GRIK5: variants seen among roughly 807,000 people sequenced by gnomAD.
GRIK5 encodes glutamate ionotropic receptor kainate type subunit 5.
GRIK5 carries 43 observed loss-of-function variants against 97.4 expected under a neutral mutation model. The observed-to-expected ratio is 0.44, with a 90% CI of 0.35 to 0.57. The LOEUF is 0.57. Ranked by LOEUF, GRIK5 falls within the 20% of genes least tolerant of loss-of-function variation. The probability of loss-of-function intolerance (pLI) is 0.01; values close to 1 mark genes in which losing one functional copy is unlikely to be tolerated. For synonymous variants in GRIK5, 580 were observed against 583.5 expected (o/e 0.99, Z 0.09); for missense variants, 1,015 against 1,382.0 (o/e 0.73, Z 4.21).
intron 11 of GRIK5, among the ~76,000 whole-genome samples, chr19:42,052,357 G>T (rs1429967465): frequency 6.6e-6 from 1 of 152,014 alleles, no homozygotes; most frequent in Non-Finnish European, 1.5e-5. Context: ...AGCACAGAGG[G>T]TCTGACTGCT....
Position 42,022,750 on chromosome 19 carries a change from A to C in GRIK5, c.1474-396T>G. 1 of 777,828 alleles carries C rather than the reference A, an allele frequency of 1.3e-6. No homozygotes were observed. The highest frequency in any genetic ancestry group is 1.6e-6 in the Non-Finnish European group (1 of 641,034). 48.2% of individuals were successfully genotyped at this position (777,828 alleles called of 1,614,324 possible). On this transcript the variant is annotated intron_variant, in intron 12 of 19. Coordinates refer to ENST00000593562, the MANE Select transcript of GRIK5 (RefSeq NM_002088.5). The surrounding 1 kb of genome is among the most constrained non-coding windows in gnomAD (Gnocchi z 4.2). Reference sequence around the variant, plus strand: ...GAGATAATACAGGCCCGGACAGAACACAGAGCAGGGAGAGAGGAGGCAGGG... The same window carrying C: ...GAGATAATACAGGCCCGGACAGAACCCAGAGCAGGGAGAGAGGAGGCAGGG...
At chr19:42,044,119 C>T (rs1184420247) in intron 11 of GRIK5, among the ~76,000 whole-genome samples, 1 of 152,132 alleles carries the variant, frequency 6.6e-6, no homozygotes, top group Admixed American at 6.6e-5. Context: ...GCTCTTCCCC[C>T]TTCACTCGGC....
In GRIK5 at chr19:42,021,877, C is replaced by A; in HGVS notation, c.1697+70G>T. 1 of 938,806 alleles carries A rather than the reference C, an allele frequency of 1.1e-6. No individual in the cohort carries two copies. The highest frequency in any genetic ancestry group is 1.7e-6 in the Non-Finnish European group (1 of 595,544). 58.2% of individuals were successfully genotyped at this position (938,806 alleles called of 1,614,324 possible). On this transcript the variant is annotated intron_variant, in intron 14 of 19. Coordinates refer to ENST00000593562, the MANE Select transcript of GRIK5 (RefSeq NM_002088.5). This position sits in a 1 kb window ranked among gnomAD's most constrained non-coding sequence, Gnocchi z 4.2. ...AAGGACAGTTCCGAGAGAGAAGAGG[C>A]AGGTCGGTCCCAGAGGCCTCGGCTC...
chr19:41,998,952 C>T lies in GRIK5; in HGVS notation c.2862G>A (p.Leu954=), dbSNP rs2075402547. Residue 954 remains leucine (L), a synonymous_variant, in exon 20 of 20, where the codon CTG becomes CTA. Coordinates refer to ENST00000593562, the MANE Select transcript of GRIK5 (RefSeq NM_002088.5). ...ASGAGAPPRG[L]GVPAEATSPP... ...GGCTGGTGGCTTCGGCGGGGACGCC[C>T]AGGCCACGCGGAGGCGCGCCGGCCC... 2 of 1,145,252 alleles carry T rather than the reference C, an allele frequency of 1.7e-6. No individual in the cohort carries two copies. The highest frequency in any genetic ancestry group is 2.1e-6 in the Non-Finnish European group (2 of 933,300). The allele number at this position is 1,145,252 out of a possible 1,614,324, so 70.9% of individuals were successfully genotyped here. A position where few individuals can be genotyped will look rare whatever the true frequency, so the allele number is the denominator to read the frequency against.
intron 15 of GRIK5, among the ~76,000 whole-genome samples, chr19:42,008,592 T>G (rs2075522616): frequency 1.3e-5 from 2 of 151,960 alleles, no homozygotes; most frequent in African/African-American, 4.8e-5. Flanking sequence ...ACCACTGCAC[T>G]CTGGCCTGGG....
At chr19:42,041,979 T>C (rs1422978603) in intron 12 of GRIK5, among the ~76,000 whole-genome samples, 1 of 152,140 alleles carries the variant, frequency 6.6e-6, no homozygotes, top group Non-Finnish European at 1.5e-5. Flanking sequence ...CTCTAAGCTC[T>C]TGGGGGCAGG....
chr19:42,043,697 C>G (rs1460799044), intron 11 of GRIK5, among the ~76,000 whole-genome samples: 4 of 151,768 alleles, frequency 2.6e-5, no homozygotes, highest in African/African-American at 4.8e-5. Context: ...GCCATCGCAC[C>G]TGGCCCAGAT....
rs201120893 is a variant in GRIK5 at position 42,053,644 on chromosome 19, C to A, written c.1227G>T (p.Ser409=). Residue 409 remains serine, a synonymous_variant, in exon 11 of 20, where the codon TCG becomes TCT. Transcript: ENST00000593562. Reference sequence around the variant, plus strand: ...CCAGGGTCTTGTTGGCCAGTGTCTGCGACAGGTTGATGTCCAGGGTGGTGG... The same window carrying A: ...CCAGGGTCTTGTTGGCCAGTGTCTGAGACAGGTTGATGTCCAGGGTGGTGG... The part of the protein sequence containing the change: ...MNATTLDINL[S]QTLANKTLVV... The A allele has an allele frequency of 6.8e-6, 11 of 1,613,374 alleles. No individual in the cohort carries two copies. The highest frequency in any genetic ancestry group is 1.7e-5 in the Admixed American group (1 of 60,006).
At position 42,022,032 on chromosome 19, in the gene GRIK5, A is replaced by G. The variant is rs1568895057; in HGVS notation, c.1612T>C (p.Phe538Leu). Residue 538 changes from phenylalanine to leucine, a missense_variant, in exon 14 of 20, where the codon TTC becomes CTC. Transcript: ENST00000593562. The surrounding 1 kb of genome is among the most constrained non-coding windows in gnomAD (Gnocchi z 4.2). ...HMGRKPGYFS[F>L]LDPFSPAVWL... Reference sequence around the variant, plus strand: ...ACAGCAGGGGAGAAGGGGTCCAGGAAGGAGAAGTAGCCAGGCTTGCGGCCC... The same window carrying G: ...ACAGCAGGGGAGAAGGGGTCCAGGAGGGAGAAGTAGCCAGGCTTGCGGCCC... 1 of 1,613,590 alleles carries G rather than the reference A, an allele frequency of 6.2e-7. No individual in the cohort carries two copies. Among genetic ancestry groups the G allele is most frequent in the Non-Finnish European group, 8.5e-7 (1 of 1,179,692 alleles).
intron 15 of GRIK5, among the ~76,000 whole-genome samples, chr19:42,008,174 C>T (rs2075516596): frequency 6.6e-6 from 1 of 152,070 alleles, no homozygotes. Context: ...CCTGCCAGCA[C>T]GCCTGACTAA....
chr19:42,043,214 G>A (rs1188659172), intron 11 of GRIK5, among the ~76,000 whole-genome samples: 1 of 152,048 alleles, frequency 6.6e-6, no homozygotes, highest in Non-Finnish European at 1.5e-5. Context: ...CCTTGCCCTA[G>A]TAACTATGGG....
At chr19:42,053,533 C>T (rs1481421768) in intron 11 of GRIK5, 69 bp downstream of exon 11, 3 of 944,946 alleles carry the variant, frequency 3.2e-6, no homozygotes, top group Non-Finnish European at 5.2e-6. Context: ...CATCCCTCCA[C>T]CTCACGGTGG....
chr19:42,032,277 ATAT>A (rs2075848973), intron 12 of GRIK5, among the ~76,000 whole-genome samples: 1 of 152,200 alleles, frequency 6.6e-6, no homozygotes, highest in South Asian at 2.1e-4. Context: ...TAAAACAATG[ATAT>A]TATATTTGGC....
In GRIK5 at chr19:41,999,305, G is replaced by A; in HGVS notation, c.2515-6C>T. On this transcript the variant is annotated splice_region_variant and splice_polypyrimidine_tract_variant and intron_variant, in intron 19 of 19. Coordinates refer to ENST00000593562, the MANE Select transcript of GRIK5 (RefSeq NM_002088.5). The surrounding 1 kb of genome is among the most constrained non-coding windows in gnomAD (Gnocchi z 5.0). ...ATCTCCTGGCACACCGACACCTGGG[G>A]GTGGCGCGGGCGGTCACCGTCCCGG... 6.6e-7 allele frequency: 1 copy of A among 1,510,562 alleles called. No homozygotes were observed. Among genetic ancestry groups the A allele is most frequent in the South Asian group, 1.2e-5 (1 of 82,378 alleles). The allele number at this position is 1,510,562 out of a possible 1,614,324, so 93.6% of individuals were successfully genotyped here.
intron 8 of GRIK5, among the ~76,000 whole-genome samples, chr19:42,054,851 C>T (rs1278532258): frequency 6.6e-6 from 1 of 152,176 alleles, no homozygotes; most frequent in African/African-American, 2.4e-5. Context: ...GGCACGTTTA[C>T]ATGAGTGGGG....
rs369027882 is a variant in GRIK5 at position 42,067,928 on chromosome 19, G to A, written c.-51+1313C>T. On this transcript the variant is annotated intron_variant, in intron 1 of 19. Transcript: ENST00000593562. Reference sequence around the variant, plus strand: ...ACCCAGCAGAGAGCTGAGCAACAGTGGGCATAGGAGAGACATCAGCAAAGG... The same window carrying A: ...ACCCAGCAGAGAGCTGAGCAACAGTAGGCATAGGAGAGACATCAGCAAAGG... Among the ~76,000 whole-genome samples the A allele has an allele frequency of 1.2e-4, 19 of 152,284 alleles. No homozygotes were observed. The South Asian group carries it at 3.5e-3, about 28-fold the overall frequency.
At chr19:42,011,545 T>C (rs1599754375) in intron 15 of GRIK5, among the ~76,000 whole-genome samples, 4 of 133,062 alleles carry the variant, frequency 3.0e-5, no homozygotes, top group Admixed American at 7.8e-5. Flanking sequence ...AGAGCGAGAC[T>C]CCGTCTCAAA....
chr19:42,062,894 C>T lies in GRIK5; in HGVS notation c.245-39G>A, dbSNP rs751027479. The T allele has an allele frequency of 2.0e-6, 3 of 1,472,940 alleles. No homozygotes were observed. The highest frequency in any genetic ancestry group is 3.4e-5 in the Admixed American group (2 of 59,690). The allele number at this position is 1,472,940 out of a possible 1,614,324, so 91.2% of individuals were successfully genotyped here. ...GGAAGAGACCGCAGAGTCAGGGACC[C>T]CCTGCCTCCTCTCCTTCCCCATCCC... On this transcript the variant is annotated intron_variant, in intron 3 of 19. Coordinates refer to ENST00000593562, the MANE Select transcript of GRIK5 (RefSeq NM_002088.5). The surrounding 1 kb of genome is among the most constrained non-coding windows in gnomAD (Gnocchi z 5.3).
chr19:42,048,418 G>A (rs996164104), intron 11 of GRIK5, among the ~76,000 whole-genome samples: 2 of 152,028 alleles, frequency 1.3e-5, no homozygotes, highest in Non-Finnish European at 2.9e-5. Context: ...TCAGGAGATC[G>A]AGACCATCCT....
Sources: gnomAD v4.1 joint callset for allele counts (sites outside exome capture counted in the v4.1 genomes callset) on GRCh38, gnomAD v4.1.1 for gene constraint, Gnocchi (gnomAD v3.1) non-coding constraint, MANE v1.5 for transcripts, NCBI Gene and HGNC (gene_info 2026-07-23, HGNC 2026-07-21) for gene names.